The following WNT3 variants were observed in gnomAD, a reference collection of about 807,000 sequenced individuals.
WNT3 encodes Wnt family member 3, also known as proto-oncogene Wnt-3.
WNT3 carries 7 observed loss-of-function variants against 34.2 expected under a neutral mutation model. That is an observed-to-expected ratio of 0.20 (90% confidence interval 0.12 to 0.38). The LOEUF (loss-of-function observed/expected upper bound fraction) is 0.38, where lower values mean the gene tolerates loss of function less well. Ranked by LOEUF, WNT3 falls within the 10% of genes least tolerant of loss-of-function variation. The pLI, the probability that WNT3 is intolerant of heterozygous loss-of-function variation, is 1.00. For synonymous variants in WNT3, 212 were observed against 211.5 expected (o/e 1.00, Z -0.02); for missense variants, 267 against 499.8 (o/e 0.53, Z 4.44).
intron 1 of WNT3, among the ~76,000 whole-genome samples, chr17:46,774,817 A>G (rs1465887438): frequency 6.6e-6 from 1 of 152,254 alleles, no homozygotes; most frequent in Non-Finnish European, 1.5e-5. Flanking sequence ...TGCCCTCAGC[A>G]CAGGAACAGC....
At chr17:46,777,062 C>T (rs562353607) in intron 1 of WNT3, among the ~76,000 whole-genome samples, 4 of 152,208 alleles carry the variant, frequency 2.6e-5, no homozygotes, top group Admixed American at 1.3e-4. Context: ...AAACAGAGGC[C>T]GACCATGCCA....
chr17:46,799,157 C>T (rs1239456305), intron 1 of WNT3, among the ~76,000 whole-genome samples: 1 of 151,922 alleles, frequency 6.6e-6, no homozygotes, highest in African/African-American at 2.4e-5. Context: ...GATACCAGAA[C>T]GCAAGGTCAT....
At chr17:46,780,751 T>C (rs2059453916) in intron 1 of WNT3, among the ~76,000 whole-genome samples, 2 of 151,560 alleles carry the variant, frequency 1.3e-5, no homozygotes, top group African/African-American at 4.9e-5. Context: ...CGCTCCAGCC[T>C]GGGTGACAGA....
intron 1 of WNT3, among the ~76,000 whole-genome samples, chr17:46,791,681 A>G (rs544881266): frequency 1.3e-5 from 2 of 152,274 alleles, no homozygotes; most frequent in East Asian, 1.9e-4. Flanking sequence ...TCTGCATTCT[A>G]CTTACATTCA....
intron 1 of WNT3, among the ~76,000 whole-genome samples, chr17:46,804,985 G>A (rs1270703260): frequency 7.3e-6 from 1 of 137,566 alleles, no homozygotes; most frequent in East Asian, 2.1e-4. Flanking sequence ...TGGAAACTTT[G>A]TTCTTTTGCT....
chr17:46,773,350 T>A (rs925399790), intron 2 of WNT3, among the ~76,000 whole-genome samples: 1 of 152,070 alleles, frequency 6.6e-6, no homozygotes, highest in African/African-American at 2.4e-5. Context: ...GGTATTTGCA[T>A]AGCACTTAAC....
Position 46,764,295 on chromosome 17 carries a change from G to A in WNT3, c.*335C>T, listed in dbSNP as rs2059294632. 6.6e-6 allele frequency: 1 copy of A among 152,588 alleles called. No homozygotes were observed. 9.5% of individuals were successfully genotyped at this position (152,588 alleles called of 1,614,324 possible). A position where few individuals can be genotyped will look rare whatever the true frequency, so the allele number is the denominator to read the frequency against. On this transcript the variant is annotated 3_prime_UTR_variant, in exon 5 of 5. Coordinates refer to ENST00000225512, the MANE Select transcript of WNT3 (RefSeq NM_030753.5). ...TCACATTAGCCCAGCCTGTTCTGTT[G>A]GAGTCAAATTTTTTTTCATTTTTAT...
intron 1 of WNT3, among the ~76,000 whole-genome samples, chr17:46,792,691 C>T (rs145227898): frequency 6.3e-4 from 96 of 152,282 alleles, no homozygotes; most frequent in South Asian, 1.2e-3. Flanking sequence ...CCAGGCTAGC[C>T]TCGAACTACT....
intron 3 of WNT3, 69 bp downstream of exon 3, chr17:46,769,714 C>T (rs1455655663): frequency 1.2e-5 from 19 of 1,587,116 alleles, no homozygotes; most frequent in Non-Finnish European, 1.6e-5. Context: ...GAGGTGGGGG[C>T]CAGGGCAGCT....
At chr17:46,782,558 G>C (rs1339690676) in intron 1 of WNT3, among the ~76,000 whole-genome samples, 1 of 152,272 alleles carries the variant, frequency 6.6e-6, no homozygotes, top group East Asian at 1.9e-4. Flanking sequence ...GTTGGCTTTG[G>C]AACTCAGGCC....
intron 2 of WNT3, among the ~76,000 whole-genome samples, chr17:46,771,354 C>A (rs1464472041): frequency 1.3e-5 from 2 of 151,872 alleles, no homozygotes; most frequent in South Asian, 4.1e-4. Flanking sequence ...ACGCCCCAGC[C>A]CTGGGGGCGC....
At chr17:46,797,121 C>T in intron 1 of WNT3, among the ~76,000 whole-genome samples, 1 of 152,192 alleles carries the variant, frequency 6.6e-6, no homozygotes, top group East Asian at 1.9e-4. Flanking sequence ...TGCTAATGAG[C>T]TGCTAATATT....
At chr17:46,792,696 A>C (rs373142961) in intron 1 of WNT3, among the ~76,000 whole-genome samples, 1 of 152,208 alleles carries the variant, frequency 6.6e-6, no homozygotes, top group Non-Finnish European at 1.5e-5. Flanking sequence ...CTAGCCTCGA[A>C]CTACTGACCA....
intron 1 of WNT3, among the ~76,000 whole-genome samples, chr17:46,800,189 C>T (rs1338490890): frequency 1.3e-5 from 2 of 152,168 alleles, no homozygotes; most frequent in East Asian, 3.8e-4. Context: ...CGGCTCACTG[C>T]AGCCTCCACC....
rs752380656 is a variant in WNT3 at position 46,806,821 on chromosome 17, C to T, written c.80+11697G>A. ...CTGGGTGAATGGGGAGATCCCTGGCCGCCGCTCCCCTCTGCTCCTCCTTGG... is the reference window on the plus strand; with the variant it reads ...CTGGGTGAATGGGGAGATCCCTGGCTGCCGCTCCCCTCTGCTCCTCCTTGG... On this transcript the variant is annotated intron_variant, in intron 1 of 4. Coordinates refer to ENST00000225512, the MANE Select transcript of WNT3 (RefSeq NM_030753.5). Among the ~76,000 whole-genome samples, 4 of 152,218 alleles carry T rather than the reference C, an allele frequency of 2.6e-5. No homozygotes were observed. The South Asian group carries it at 6.2e-4, about 24-fold the overall frequency.
chr17:46,797,566 C>G (rs1163661522), intron 1 of WNT3, among the ~76,000 whole-genome samples: 4 of 152,220 alleles, frequency 2.6e-5, no homozygotes, highest in Non-Finnish European at 5.9e-5. Context: ...ATGGGCACAA[C>G]CTCTTTGGAA....
Position 46,764,188 on chromosome 17 carries a change from G to A in WNT3, c.*442C>T, listed in dbSNP as rs1000866006. On this transcript the variant is annotated 3_prime_UTR_variant, in exon 5 of 5. Coordinates refer to ENST00000225512, the MANE Select transcript of WNT3 (RefSeq NM_030753.5). ...CCTACTTCCTGACTCCCACCCTCCA[G>A]GCGTCTTGGAATGTCACCAGAAGCA... is the stretch of plus-strand genomic sequence containing the variant. 1 of 152,430 alleles carries A rather than the reference G, an allele frequency of 6.6e-6. No individual in the cohort carries two copies. The highest frequency in any genetic ancestry group is 1.9e-4 in the East Asian group (1 of 5,200). 9.4% of individuals were successfully genotyped at this position (152,430 alleles called of 1,614,324 possible). A position where few individuals can be genotyped will look rare whatever the true frequency, so the allele number is the denominator to read the frequency against.
intron 1 of WNT3, among the ~76,000 whole-genome samples, chr17:46,799,621 T>C (rs1412554872): frequency 6.6e-6 from 1 of 151,968 alleles, no homozygotes; most frequent in African/African-American, 2.4e-5. Context: ...CTACTTTTTG[T>C]ATTTTTAGTA....
chr17:46,773,808 T>C lies in WNT3; in HGVS notation c.182A>G (p.Asn61Ser). The C allele has an allele frequency of 1.9e-6, 3 of 1,613,544 alleles. No individual in the cohort carries two copies. Among genetic ancestry groups the C allele is most frequent in the Non-Finnish European group, 2.5e-6 (3 of 1,180,002 alleles). ...CACGCTGGGCATGATCTCGATGTAA[T>C]TGCGGCAGAAGCGCAGTTGCTTGGG... ...LVPKQLRFCR[N>S]YIEIMPSVAE... is the part of the protein sequence containing the mutation. Residue 61 changes from asparagine (N) to serine (S), a missense_variant, in exon 2 of 5, where the codon AAT (asparagine) becomes AGT (serine). Physicochemically the swap from Asn to Ser is conservative, Grantham distance 46. Transcript: ENST00000225512.
Sources: gnomAD v4.1 joint callset for allele counts (sites outside exome capture counted in the v4.1 genomes callset) on GRCh38, gnomAD v4.1.1 for gene constraint, MANE v1.5 for transcripts, NCBI Gene and HGNC (gene_info 2026-07-23, HGNC 2026-07-21) for gene names.